The following CPVL variants were observed in gnomAD, a reference collection of about 807,000 sequenced individuals.
CPVL encodes probable serine carboxypeptidase CPVL.
In CPVL, 51 loss-of-function variants were observed where a neutral mutation model predicts 63.7. The ratio of observed to expected loss-of-function variants is 0.80; its 90% confidence interval spans 0.64 to 1.01. CPVL has a LOEUF of 1.01. CPVL is among the 50% of genes least tolerant of loss of function. The probability of loss-of-function intolerance (pLI) is 0.00; values close to 1 mark genes in which losing one functional copy is unlikely to be tolerated. For synonymous variants in CPVL, 195 were observed against 206.0 expected (o/e 0.95, Z 0.46); for missense variants, 530 against 573.1 (o/e 0.92, Z 0.77).
intron 1 of CPVL, among the ~76,000 whole-genome samples, chr7:29,133,292 A>G (rs183840766): frequency 6.6e-6 from 1 of 152,000 alleles, no homozygotes; most frequent in African/African-American, 2.4e-5. Flanking sequence ...CCATATTTCT[A>G]AATTCAAAAG....
At chr7:29,072,118 A>G (rs968577417) in intron 8 of CPVL, among the ~76,000 whole-genome samples, 183 bp downstream of exon 8, 15 of 152,214 alleles carry the variant, frequency 9.9e-5, no homozygotes, top group African/African-American at 2.2e-4. Context: ...CTGACAGCCA[A>G]TGTAAGCTGA....
intron 5 of CPVL, among the ~76,000 whole-genome samples, chr7:29,166,194 T>G (rs1056558623): frequency 1.3e-5 from 2 of 150,816 alleles, no homozygotes; most frequent in African/African-American, 2.4e-5. Flanking sequence ...CCACATCCAG[T>G]TTTTTTTTGT....
At chr7:29,043,043 G>C (rs1175996191) in intron 11 of CPVL, among the ~76,000 whole-genome samples, 1 of 152,158 alleles carries the variant, frequency 6.6e-6, no homozygotes, top group Non-Finnish European at 1.5e-5. Flanking sequence ...TCTGAGAAGA[G>C]GACTGAGAGC....
intron 7 of CPVL, among the ~76,000 whole-genome samples, chr7:29,078,321 T>TA (rs1784407854): frequency 6.6e-6 from 1 of 152,138 alleles, no homozygotes; most frequent in African/African-American, 2.4e-5. Context: ...AGATACTCCT[T>TA]AAAAAAGAAA....
At chr7:29,067,252 C>T (rs1477622269) in intron 9 of CPVL, among the ~76,000 whole-genome samples, 1 of 152,082 alleles carries the variant, frequency 6.6e-6, no homozygotes, top group Non-Finnish European at 1.5e-5. Context: ...CCAAAAGGAT[C>T]GTCAATGTGG....
intron 8 of CPVL, 123 bp from the exon 9 acceptor site, chr7:29,072,027 A>C (rs1783797376): frequency 1.7e-6 from 2 of 1,179,684 alleles, no homozygotes; most frequent in Non-Finnish European, 2.4e-6. Flanking sequence ...GCCAAGTAGG[A>C]TAATTACATG....
chr7:29,049,132 C>T (rs1224444237), intron 11 of CPVL, among the ~76,000 whole-genome samples: 2 of 151,584 alleles, frequency 1.3e-5, no homozygotes, highest in Non-Finnish European at 2.9e-5. Flanking sequence ...CAAACCAAAC[C>T]CAAACCCAAA....
intron 5 of CPVL, among the ~76,000 whole-genome samples, chr7:29,166,643 A>G (rs1795953588): frequency 2.0e-5 from 3 of 152,106 alleles, no homozygotes; most frequent in African/African-American, 7.2e-5. Flanking sequence ...GTCAAATATT[A>G]TGGCAAAAAA....
chr7:29,086,917 G>C (rs1220042619), intron 6 of CPVL, among the ~76,000 whole-genome samples: 1 of 152,188 alleles, frequency 6.6e-6, no homozygotes, highest in Non-Finnish European at 1.5e-5. Context: ...GGTTTGTGGT[G>C]AAGTAAGGGA....
intron 1 of CPVL, among the ~76,000 whole-genome samples, chr7:29,141,033 A>G (rs937498786): frequency 6.6e-6 from 1 of 152,192 alleles, no homozygotes. Context: ...GTAGAGTTCA[A>G]GAAGTTGGGT....
At chr7:28,994,740 A>G (rs536362997), downstream of CPVL, among the ~76,000 whole-genome samples, 3 of 152,348 alleles carry the variant, frequency 2.0e-5, no homozygotes, top group Non-Finnish European at 1.5e-5. Flanking sequence ...AACATGAGAA[A>G]TTAAAAGAAT....
At chr7:28,999,239 A>G (rs1784376818) in intron 12 of CPVL, among the ~76,000 whole-genome samples, 1 of 151,976 alleles carries the variant, frequency 6.6e-6, no homozygotes, top group African/African-American at 2.4e-5. Context: ...CAAAACAATG[A>G]CTCTCAAATT....
At chr7:29,194,854 C>T (rs1264942355) in intron 1 of CPVL, 8 of 1,246,390 alleles carry the variant, frequency 6.4e-6, no homozygotes, top group Non-Finnish European at 8.3e-6. Flanking sequence ...GGCTGGGGGC[C>T]GCGGAGGCTG....
intron 12 of CPVL, among the ~76,000 whole-genome samples, chr7:29,000,455 G>GA (rs1562716100): frequency 6.6e-6 from 1 of 151,912 alleles, no homozygotes; most frequent in African/African-American, 2.4e-5. Flanking sequence ...GGAAATGCAG[G>GA]GGCATGAAAC....
chr7:29,135,026 C>T (rs1328484263), intron 1 of CPVL, among the ~76,000 whole-genome samples: 1 of 150,948 alleles, frequency 6.6e-6, no homozygotes, highest in East Asian at 2.0e-4. Flanking sequence ...TCACTTGGGC[C>T]CCAGGAGGTC....
intron 1 of CPVL, chr7:29,126,790 G>C (rs1790072146): frequency 6.6e-6 from 1 of 152,214 alleles, no homozygotes; most frequent in Admixed American, 6.5e-5. Flanking sequence ...TGTAATCCTG[G>C]CACTTTGGGA....
At chr7:29,051,910 A>G (rs1051550236) in intron 11 of CPVL, among the ~76,000 whole-genome samples, 2 of 145,332 alleles carry the variant, frequency 1.4e-5, no homozygotes, top group East Asian at 2.0e-4. Context: ...AAATATATAT[A>G]TATATTCCAC....
chr7:29,147,240 A>T (rs1393086616), upstream of CPVL: 2 of 409,468 alleles, frequency 4.9e-6, no homozygotes, highest in Non-Finnish European at 8.8e-6. Context: ...ATAACACAAA[A>T]TAAAGGAGGG....
chr7:29,069,268 C>T (rs1225145504), intron 9 of CPVL, among the ~76,000 whole-genome samples: 7 of 151,244 alleles, frequency 4.6e-5, no homozygotes, highest in African/African-American at 1.7e-4. Context: ...GGTGAAAACC[C>T]GTCTCTACTA....
Sources: allele counts gnomAD v4.1 joint callset (sites outside exome capture counted in the v4.1 genomes callset), GRCh38; gene constraint gnomAD v4.1.1; transcripts MANE v1.5; gene names NCBI Gene and HGNC (gene_info 2026-07-23, HGNC 2026-07-21).